The following GALNT13 variants were observed in gnomAD, a reference collection of about 807,000 sequenced individuals.
GALNT13 encodes UDP-GalNAc:polypeptide N-acetylgalactosaminyltransferase 13.
A neutral mutation model predicts 64.2 loss-of-function variants in GALNT13; 28 were observed. The ratio of observed to expected loss-of-function variants is 0.44; its 90% confidence interval spans 0.32 to 0.60. The LOEUF is 0.60. Ranked by LOEUF, GALNT13 falls within the 20% of genes least tolerant of loss-of-function variation. The pLI is 0.05. For synonymous variants in GALNT13, 214 were observed against 224.6 expected, an observed-to-expected ratio of 0.95 and a Z score of 0.42; for missense variants, 577 against 669.8, an observed-to-expected ratio of 0.86 and a Z score of 1.53.
chr2:153,884,856 TACACACACACAC>T (rs144324984), intron 1 of GALNT13, among the ~76,000 whole-genome samples: 2 of 120,530 alleles, frequency 1.7e-5, no homozygotes, highest in African/African-American at 3.4e-5. Context: ...TATATGTATA[TACACACACACAC>T]ACACACACAC....
At chr2:153,804,660 A>G in the GALNT13 span, among the ~76,000 whole-genome samples, 1 of 152,142 alleles carries the variant, frequency 6.6e-6, no homozygotes, top group Non-Finnish European at 1.5e-5. Flanking sequence ...TCTTTGAAGA[A>G]GTTCAGAGTA....
At chr2:154,384,280 T>C (rs1322378903) in intron 9 of GALNT13, among the ~76,000 whole-genome samples, 1 of 151,950 alleles carries the variant, frequency 6.6e-6, no homozygotes, top group Non-Finnish European at 1.5e-5. Flanking sequence ...TGTCTCAAAT[T>C]CTGGAAAGCG....
At chr2:153,129,554 C>G in the GALNT13 span, among the ~76,000 whole-genome samples, 1 of 152,140 alleles carries the variant, frequency 6.6e-6, no homozygotes, top group African/African-American at 2.4e-5. Flanking sequence ...GTGAGCAGAT[C>G]ACGAGGTCAA....
At chr2:153,928,369 T>A (rs1415717022) in intron 2 of GALNT13, among the ~76,000 whole-genome samples, 2 of 152,202 alleles carry the variant, frequency 1.3e-5, no homozygotes, top group African/African-American at 2.4e-5. Flanking sequence ...GTTGGATGTC[T>A]CAGTGGAAAC....
chr2:154,440,455 GAA>G (rs34130337), intron 12 of GALNT13, among the ~76,000 whole-genome samples: 1 of 146,602 alleles, frequency 6.8e-6, no homozygotes, highest in South Asian at 2.1e-4. Flanking sequence ...AGTAAAAAGT[GAA>G]AAAAAAAATA....
chr2:154,269,313 A>G (rs1691194084), intron 8 of GALNT13, among the ~76,000 whole-genome samples: 1 of 152,082 alleles, frequency 6.6e-6, no homozygotes, highest in Non-Finnish European at 1.5e-5. Flanking sequence ...TTTATTAGAA[A>G]TCATTTTAGA....
chr2:153,976,149 A>C (rs978783745), intron 3 of GALNT13, among the ~76,000 whole-genome samples: 1 of 152,060 alleles, frequency 6.6e-6, no homozygotes, highest in Non-Finnish European at 1.5e-5. Flanking sequence ...TGTGTTTACA[A>C]CCTGTAGAGG....
the GALNT13 span, among the ~76,000 whole-genome samples, chr2:153,709,036 A>C: frequency 6.6e-6 from 1 of 152,132 alleles, no homozygotes; most frequent in Non-Finnish European, 1.5e-5. Flanking sequence ...AGCTACTAGA[A>C]GAAATCAGGG....
At chr2:153,141,813 C>G in the GALNT13 span, among the ~76,000 whole-genome samples, 2 of 152,024 alleles carry the variant, frequency 1.3e-5, no homozygotes, top group African/African-American at 2.4e-5. Flanking sequence ...AGCCTATTTT[C>G]TCTGTTAATC....
At chr2:153,287,922 C>T in the GALNT13 span, among the ~76,000 whole-genome samples, 1 of 152,252 alleles carries the variant, frequency 6.6e-6, no homozygotes, top group Admixed American at 6.5e-5. Flanking sequence ...GGGACCCCAC[C>T]TTTCTATACC....
At chr2:153,201,545 G>A in the GALNT13 span, among the ~76,000 whole-genome samples, 2 of 152,124 alleles carry the variant, frequency 1.3e-5, no homozygotes, top group African/African-American at 2.4e-5. Flanking sequence ...TTCTTTAAGA[G>A]CACATTTTCC....
At chr2:154,041,243 A>G (rs2105327097) in intron 3 of GALNT13, among the ~76,000 whole-genome samples, 1 of 140,624 alleles carries the variant, frequency 7.1e-6, no homozygotes, top group Admixed American at 7.1e-5. Context: ...TACTCAAGCT[A>G]TCTTAAATGA....
the GALNT13 span, among the ~76,000 whole-genome samples, chr2:153,379,307 G>GTTTTTTAAT: frequency 6.6e-6 from 1 of 152,202 alleles, no homozygotes; most frequent in East Asian, 1.9e-4. Context: ...TATGACAGAG[G>GTTTTTTAAT]TTTTTTAATT....
the GALNT13 span, among the ~76,000 whole-genome samples, chr2:153,760,505 C>A: frequency 7.9e-5 from 12 of 152,020 alleles, no homozygotes; most frequent in African/African-American, 2.9e-4. Context: ...ATTGATTATT[C>A]AAGAATATAT....
the GALNT13 span, among the ~76,000 whole-genome samples, chr2:153,589,145 A>G: frequency 3.3e-4 from 50 of 149,748 alleles, no homozygotes; most frequent in African/African-American, 1.2e-3. Flanking sequence ...CAAAAAAAAA[A>G]GAAAAGAAAA....
chr2:154,253,796 T>C (rs1690218379), intron 7 of GALNT13, among the ~76,000 whole-genome samples: 1 of 152,238 alleles, frequency 6.6e-6, no homozygotes, highest in African/African-American at 2.4e-5. Context: ...CAGATAATTT[T>C]AACTTTCAAA....
At chr2:153,825,607 G>GGT in the GALNT13 span, among the ~76,000 whole-genome samples, 1 of 114,826 alleles carries the variant, frequency 8.7e-6, no homozygotes, top group African/African-American at 3.5e-5. Flanking sequence ...TTCCATGAGT[G>GGT]CTGTGTGTGT....
chr2:153,540,558 A>G, the GALNT13 span, among the ~76,000 whole-genome samples: 10 of 152,196 alleles, frequency 6.6e-5, no homozygotes, highest in Non-Finnish European at 1.3e-4. Flanking sequence ...GACAGCTTGC[A>G]CTATGTACCT....
the GALNT13 span, among the ~76,000 whole-genome samples, chr2:153,198,610 C>T: frequency 5.3e-5 from 8 of 152,242 alleles, no homozygotes; most frequent in Admixed American, 5.2e-4. Context: ...TGGCACCCCT[C>T]TCCCATTTTT....
Sources: gnomAD v4.1 joint callset for allele counts (sites outside exome capture counted in the v4.1 genomes callset) on GRCh38, gnomAD v4.1.1 for gene constraint, MANE v1.5 for transcripts, NCBI Gene and HGNC (gene_info 2026-07-23, HGNC 2026-07-21) for gene names.